The following CSMD3 variants were observed in gnomAD, a reference collection of about 807,000 sequenced individuals.
CSMD3 encodes the protein CUB and Sushi multiple domains 3.
Under a neutral mutation model 435.2 loss-of-function variants are expected in CSMD3, and 177 were observed. That is an observed-to-expected ratio of 0.41 (90% CI 0.36 to 0.46). CSMD3 has a LOEUF of 0.46. Among genes scored for constraint, CSMD3 ranks in the 20% least tolerant of loss-of-function variants. The pLI is 0.34. For synonymous variants in CSMD3, 1,656 were observed against 1,520.5 expected, an observed-to-expected ratio of 1.09 and a Z score of -2.07; for missense variants, 4,265 against 4,504.6, an observed-to-expected ratio of 0.95 and a Z score of 1.52.
At chr8:112,496,552 C>T (rs1033777526) in intron 30 of CSMD3, among the ~76,000 whole-genome samples, 1 of 151,948 alleles carries the variant, frequency 6.6e-6, no homozygotes, top group African/African-American at 2.4e-5. Context: ...TTGGAAGCAA[C>T]CTAAAGTGTC....
intron 27 of CSMD3, among the ~76,000 whole-genome samples, chr8:112,522,464 C>T (rs966776399): frequency 2.0e-5 from 3 of 151,796 alleles, no homozygotes; most frequent in African/African-American, 7.2e-5. Context: ...TTAAGTAACA[C>T]GTCCTTATCA....
intron 32 of CSMD3, among the ~76,000 whole-genome samples, chr8:112,409,505 T>A (rs1390337382): frequency 6.6e-6 from 1 of 152,016 alleles, no homozygotes; most frequent in Admixed American, 6.6e-5. Context: ...TGAGTAATAA[T>A]TTCATTAGAA....
intron 60 of CSMD3, 35 bp from the exon 61 acceptor site, chr8:112,263,847 T>C (rs1220648658): frequency 4.5e-6 from 7 of 1,568,886 alleles, no homozygotes; most frequent in Non-Finnish European, 6.1e-6. Context: ...GACACAGCTG[T>C]TGAAATATCC....
chr8:112,975,026 T>C (rs1249869757), intron 7 of CSMD3, among the ~76,000 whole-genome samples: 1 of 151,918 alleles, frequency 6.6e-6, no homozygotes, highest in Non-Finnish European at 1.5e-5. Context: ...AAAGACCTTT[T>C]ATTATTTTAT....
intron 1 of CSMD3, among the ~76,000 whole-genome samples, chr8:113,414,146 A>T (rs540302405): frequency 3.3e-5 from 5 of 152,320 alleles, no homozygotes; most frequent in African/African-American, 1.2e-4. Flanking sequence ...TGTGCTTTCC[A>T]ATATGGTAGC....
chr8:112,743,757 T>G (rs965483623), intron 13 of CSMD3, among the ~76,000 whole-genome samples: 1 of 152,044 alleles, frequency 6.6e-6, no homozygotes, highest in Non-Finnish European at 1.5e-5. Context: ...GTTTTTACCA[T>G]GTGCTTTTTC....
intron 33 of CSMD3, 130 bp downstream of exon 33, chr8:112,408,789 A>C (rs984270257): frequency 6.8e-7 from 1 of 1,462,764 alleles, no homozygotes; most frequent in African/African-American, 1.4e-5. Context: ...TTAGAAAAAA[A>C]AAAGGTGACA....
chr8:112,936,125 C>T (rs1266701249), intron 9 of CSMD3, among the ~76,000 whole-genome samples: 1 of 151,990 alleles, frequency 6.6e-6, no homozygotes, highest in African/African-American at 2.4e-5. Context: ...CTCGCTTCTG[C>T]TATTTCCACA....
intron 5 of CSMD3, among the ~76,000 whole-genome samples, chr8:113,026,715 A>G (rs2086890115): frequency 1.3e-5 from 2 of 152,182 alleles, no homozygotes; most frequent in African/African-American, 4.8e-5. Flanking sequence ...TTTATAAGTT[A>G]GGTCAATATT....
intron 5 of CSMD3, among the ~76,000 whole-genome samples, chr8:113,075,706 T>C (rs761498196): frequency 4.2e-4 from 64 of 151,952 alleles, no homozygotes; most frequent in Non-Finnish European, 8.3e-4. Context: ...CTATTCTGTC[T>C]CAACCTATTT....
intron 32 of CSMD3, among the ~76,000 whole-genome samples, chr8:112,431,365 A>T (rs1563937529): frequency 6.6e-6 from 1 of 152,152 alleles, no homozygotes; most frequent in Non-Finnish European, 1.5e-5. Context: ...CTGACTGGCA[A>T]TATAAAAAAT....
chr8:112,535,251 T>G (rs535581964), intron 27 of CSMD3, among the ~76,000 whole-genome samples: 1,701 of 152,194 alleles, frequency 0.011, 38 homozygotes, highest in African/African-American at 0.038. Context: ...GCAGATGACA[T>G]GATTGTATAT....
At chr8:113,146,900 G>A (rs546763248) in intron 4 of CSMD3, among the ~76,000 whole-genome samples, 10 of 151,722 alleles carry the variant, frequency 6.6e-5, no homozygotes, top group Non-Finnish European at 1.2e-4. Flanking sequence ...ATAAATTCAT[G>A]TATAATAAAA....
chr8:112,364,554 A>AT (rs1228942617), intron 38 of CSMD3, among the ~76,000 whole-genome samples: 2 of 152,044 alleles, frequency 1.3e-5, no homozygotes, highest in Non-Finnish European at 2.9e-5. Flanking sequence ...CATTAGTGAG[A>AT]TTTTAACATG....
chr8:113,049,034 T>C (rs72683872), intron 5 of CSMD3, among the ~76,000 whole-genome samples: 14,306 of 151,654 alleles, frequency 0.094, 864 homozygotes, highest in Middle Eastern at 0.16. Flanking sequence ...AGGTCAAGAG[T>C]TCAAGACCAG....
chr8:112,670,250 T>C (rs1045729505), intron 16 of CSMD3, among the ~76,000 whole-genome samples: 13 of 152,102 alleles, frequency 8.5e-5, no homozygotes, highest in Non-Finnish European at 1.5e-5. Flanking sequence ...TGCAAATGCA[T>C]AGAGGATTGA....
chr8:112,603,304 AT>A (rs1382886278), intron 22 of CSMD3, among the ~76,000 whole-genome samples: 1 of 152,258 alleles, frequency 6.6e-6, no homozygotes, highest in Non-Finnish European at 1.5e-5. Flanking sequence ...ACAACAAAAA[AT>A]ATCTGAGAAA....
At position 112,717,223 on chromosome 8, in the gene CSMD3, G is replaced by GA. The variant is rs964287150; in HGVS notation, c.1973-27174dup. Among the ~76,000 whole-genome samples the GA allele has an allele frequency of 6.0e-3, 870 of 144,910 alleles. 3 individuals are homozygous for GA. Among genetic ancestry groups the GA allele is most frequent in the African/African-American group, 0.02 (777 of 39,556 alleles). On this transcript the variant is annotated intron_variant, in intron 13 of 70. Transcript: ENST00000297405. The stretch of plus-strand genomic sequence containing the variant: ...ACAAGAAACTTAAACAAATTTATCA[G>GA]AAAAAAAAAACAACCCCATAAAAGG...
intron 1 of CSMD3, among the ~76,000 whole-genome samples, chr8:113,351,391 G>A (rs2094189339): frequency 6.6e-6 from 1 of 152,054 alleles, no homozygotes; most frequent in Admixed American, 6.6e-5. Context: ...ATAAAAGCAG[G>A]ATTGCCCTCA....
Sources: gnomAD v4.1 joint callset for allele counts (sites outside exome capture counted in the v4.1 genomes callset) on GRCh38, gnomAD v4.1.1 for gene constraint, MANE v1.5 for transcripts, NCBI Gene and HGNC (gene_info 2026-07-23, HGNC 2026-07-21) for gene names.